CCDC171: variants seen among roughly 807,000 people sequenced by gnomAD.
CCDC171 encodes coiled-coil domain containing 171.
Under a neutral mutation model 168.2 loss-of-function variants are expected in CCDC171, and 177 were observed. The observed-to-expected ratio is 1.05, with a 90% CI of 0.93 to 1.19. The LOEUF is 1.19. Ranked by LOEUF, CCDC171 falls within the 50% of genes most tolerant of loss-of-function variation. CCDC171 has a pLI of 0.00. For missense variants in CCDC171, 1,991 were observed against 1,539.0 expected (o/e 1.29, Z -4.91); for synonymous variants, 687 against 540.8 (o/e 1.27, Z -3.75).
chr9:15,895,996 C>CA (rs1330834599), intron 24 of CCDC171, among the ~76,000 whole-genome samples: 1 of 151,962 alleles, frequency 6.6e-6, no homozygotes, highest in East Asian at 1.9e-4. Context: ...CAATGGTTTT[C>CA]ACTAGGAACT....
At chr9:15,670,579 T>C (rs73644688) in intron 9 of CCDC171, among the ~76,000 whole-genome samples, 130 of 152,232 alleles carry the variant, frequency 8.5e-4, no homozygotes, top group African/African-American at 3.0e-3. Context: ...TAAATATCTA[T>C]TGGCTTCTAC....
chr9:15,811,460 G>A (rs971290152), intron 21 of CCDC171, among the ~76,000 whole-genome samples: 1 of 151,786 alleles, frequency 6.6e-6, no homozygotes, highest in Non-Finnish European at 1.5e-5. Flanking sequence ...GTTTCATATT[G>A]TTGACCTGGT....
At chr9:16,010,663 G>C (rs1832843934) in intron 3 of CCDC171, among the ~76,000 whole-genome samples, 1 of 151,662 alleles carries the variant, frequency 6.6e-6, no homozygotes, top group African/African-American at 2.4e-5. Context: ...CTGAATCCTA[G>C]CTCTATCCTT....
Position 15,949,705 on chromosome 9 carries a change from G to A in CCDC171, c.3754-21904G>A, listed in dbSNP as rs577603642. 2.3e-3 allele frequency among the ~76,000 whole-genome samples: 344 copies of A among 152,138 alleles called. 1 individual carries two copies. Among genetic ancestry groups the A allele is most frequent in the Non-Finnish European group, 4.0e-3 (275 of 67,998 alleles). On this transcript the variant is annotated intron_variant, in intron 25 of 25. Transcript: ENST00000380701. ...GCTTATCAGCTTAAGGAGATTTTGG[G>A]CTGAGACGATGGGGTTTTCTAGATA...
chr9:15,648,195 C>T (rs1423178136), intron 7 of CCDC171, among the ~76,000 whole-genome samples: 2 of 152,192 alleles, frequency 1.3e-5, no homozygotes, highest in African/African-American at 4.8e-5. Flanking sequence ...CAAAATTCAA[C>T]AGCCCTTCAT....
intron 21 of CCDC171, among the ~76,000 whole-genome samples, chr9:15,812,010 C>G (rs1485294562): frequency 1.3e-5 from 2 of 152,104 alleles, no homozygotes; most frequent in East Asian, 3.9e-4. Context: ...TCTAATGATC[C>G]TACACGTCTA....
intron 4 of CCDC171, among the ~76,000 whole-genome samples, chr9:15,585,568 T>C (rs545067835): frequency 2.0e-5 from 3 of 152,312 alleles, no homozygotes; most frequent in Non-Finnish European, 4.4e-5. Flanking sequence ...TAAACAGTGA[T>C]GGCCTCTGCA....
At chr9:15,917,797 T>A (rs1824735725) in intron 24 of CCDC171, among the ~76,000 whole-genome samples, 2 of 151,702 alleles carry the variant, frequency 1.3e-5, no homozygotes, top group Admixed American at 1.3e-4. Flanking sequence ...GAAATAATAA[T>A]CCAGGAGCCT....
the CCDC171 span, among the ~76,000 whole-genome samples, chr9:16,091,264 T>C: frequency 5.9e-5 from 9 of 152,320 alleles, no homozygotes; most frequent in South Asian, 2.1e-4. Context: ...GCCATTTTTT[T>C]CCAGTATCCT....
chr9:15,782,762 A>T (rs2185663), intron 20 of CCDC171, among the ~76,000 whole-genome samples: 75,147 of 152,004 alleles, frequency 0.49, 18,782 homozygotes, highest in African/African-American at 0.55. Context: ...CTGTTAGATT[A>T]GATGTTTTGA....
intron 20 of CCDC171, among the ~76,000 whole-genome samples, chr9:15,780,403 C>T (rs1483753918): frequency 2.0e-5 from 3 of 146,800 alleles, no homozygotes; most frequent in East Asian, 3.9e-4. Context: ...AAAGTTTAGA[C>T]TGGGTATGGT....
chr9:15,952,646 C>G lies in CCDC171; in HGVS notation c.3754-18963C>G, dbSNP rs978793813. On this transcript the variant is annotated intron_variant, in intron 25 of 25. Transcript: ENST00000380701. Reference sequence around the variant, plus strand: ...TCCCAACCTCAGGTGATCCACCTGCCTTGGCCTCTCAAAGTGCTGGGATTA... The same window carrying G: ...TCCCAACCTCAGGTGATCCACCTGCGTTGGCCTCTCAAAGTGCTGGGATTA... Among the ~76,000 whole-genome samples the G allele has an allele frequency of 7.0e-4, 107 of 152,134 alleles. 1 individual carries two copies. Among genetic ancestry groups the G allele is most frequent in the African/African-American group, 2.4e-3 (98 of 41,428 alleles).
chr9:15,910,787 A>G (rs1190729848), intron 24 of CCDC171, among the ~76,000 whole-genome samples: 1 of 152,090 alleles, frequency 6.6e-6, no homozygotes, highest in African/African-American at 2.4e-5. Context: ...ATGAGTGAGA[A>G]AGTGGGGTGT....
intron 25 of CCDC171, among the ~76,000 whole-genome samples, chr9:15,969,116 G>A (rs1831097698): frequency 1.3e-5 from 2 of 152,096 alleles, no homozygotes; most frequent in South Asian, 2.1e-4. Context: ...TGTGCAAAAA[G>A]TGAAACTAAT....
At chr9:16,090,094 C>G in the CCDC171 span, among the ~76,000 whole-genome samples, 1 of 152,168 alleles carries the variant, frequency 6.6e-6, no homozygotes, top group Non-Finnish European at 1.5e-5. Context: ...GATTATAAAT[C>G]ATTCTACTAT....
chr9:15,881,034 A>G (rs947899601), intron 24 of CCDC171, among the ~76,000 whole-genome samples: 35 of 152,194 alleles, frequency 2.3e-4, no homozygotes, highest in African/African-American at 8.2e-4. Context: ...CAGAATGTAA[A>G]TTGTGCCAAT....
intron 1 of CCDC171, among the ~76,000 whole-genome samples, chr9:16,049,419 A>G (rs1264540019): frequency 1.3e-5 from 2 of 152,204 alleles, no homozygotes; most frequent in Non-Finnish European, 2.9e-5. Context: ...TGAATGAATT[A>G]GGCAGGGAAG....
chr9:15,811,489 T>C (rs1470419293), intron 21 of CCDC171, among the ~76,000 whole-genome samples: 1 of 152,264 alleles, frequency 6.6e-6, no homozygotes, highest in Non-Finnish European at 1.5e-5. Context: ...TCTTTAGTGG[T>C]ACCAGACCTC....
chr9:15,566,055 G>T (rs78846031), intron 2 of CCDC171, among the ~76,000 whole-genome samples: 2 of 152,166 alleles, frequency 1.3e-5, no homozygotes, highest in Non-Finnish European at 2.9e-5. Context: ...TTTGGTGAGT[G>T]TGAAGTTATA....
Sources: gnomAD v4.1 joint callset for allele counts (sites outside exome capture counted in the v4.1 genomes callset) on GRCh38, gnomAD v4.1.1 for gene constraint, MANE v1.5 for transcripts, NCBI Gene and HGNC (gene_info 2026-07-23, HGNC 2026-07-21) for gene names.